DPY19L1: variants seen among roughly 807,000 people sequenced by gnomAD.
DPY19L1 encodes dpy-19 like C-mannosyltransferase 1, also known as protein C-mannosyl-transferase DPY19L1.
A neutral mutation model predicts 96.9 loss-of-function variants in DPY19L1; 35 were observed. The observed-to-expected ratio is 0.36, with a 90% confidence interval of 0.28 to 0.48. The LOEUF (loss-of-function observed/expected upper bound fraction) is 0.48, where lower values mean the gene tolerates loss of function less well. Ranked by LOEUF, DPY19L1 falls within the 20% of genes least tolerant of loss-of-function variation. The probability of loss-of-function intolerance (pLI) is 0.99; values close to 1 mark genes in which losing one functional copy is unlikely to be tolerated. For missense variants in DPY19L1, 521 were observed against 777.9 expected, an observed-to-expected ratio of 0.67 and a Z score of 3.93; for synonymous variants, 205 against 252.6, an observed-to-expected ratio of 0.81 and a Z score of 1.79.
At position 34,942,036 on chromosome 7, in the gene DPY19L1, T is replaced by A. The variant is rs923282381; in HGVS notation, c.1570-152A>T. ...TTCGAAAACAATTCTTAAAATTCACTTTCAAACTGTTCCATTTTAGTGGAA... is the reference window on the plus strand; with the variant it reads ...TTCGAAAACAATTCTTAAAATTCACATTCAAACTGTTCCATTTTAGTGGAA... On this transcript the variant is annotated intron_variant, in intron 17 of 21. Coordinates refer to ENST00000638088, the MANE Select transcript of DPY19L1 (RefSeq NM_001366673.1). 3 of 836,418 alleles carry A rather than the reference T, an allele frequency of 3.6e-6. No homozygotes were observed. In the African/African-American group the frequency reaches 5.3e-5, roughly 15 times the overall value. 51.8% of individuals were successfully genotyped at this position (836,418 alleles called of 1,614,324 possible). A position where few individuals can be genotyped will look rare whatever the true frequency, so the allele number is the denominator to read the frequency against.
intron 10 of DPY19L1, among the ~76,000 whole-genome samples, chr7:34,959,023 G>GA (rs200965696): frequency 1.5e-4 from 22 of 148,676 alleles, no homozygotes; most frequent in African/African-American, 2.7e-4. Context: ...AAATTTACAA[G>GA]AAAAAAAAAA....
chr7:34,956,143 C>G (rs1056680827), intron 11 of DPY19L1, among the ~76,000 whole-genome samples: 3 of 152,102 alleles, frequency 2.0e-5, no homozygotes, highest in African/African-American at 7.2e-5. Flanking sequence ...ACATATAGAA[C>G]TGAAAAGAAA....
intron 1 of DPY19L1, among the ~76,000 whole-genome samples, chr7:35,032,506 T>C (rs1323312393): frequency 1.3e-5 from 2 of 152,174 alleles, no homozygotes; most frequent in Non-Finnish European, 2.9e-5. Context: ...TTCCCCTAAG[T>C]ATGGAAATAG....
At chr7:34,973,205 T>C (rs1226376464) in intron 8 of DPY19L1, among the ~76,000 whole-genome samples, 1 of 152,186 alleles carries the variant, frequency 6.6e-6, no homozygotes, top group Non-Finnish European at 1.5e-5. Flanking sequence ...ACCTTCTTTC[T>C]GCTCATTTTC....
chr7:34,967,363 T>C (rs1022991016), intron 9 of DPY19L1, among the ~76,000 whole-genome samples: 4 of 152,176 alleles, frequency 2.6e-5, no homozygotes, highest in African/African-American at 7.2e-5. Flanking sequence ...TGAAAAATAA[T>C]TATGCAATGC....
chr7:34,969,595 C>T, intron 8 of DPY19L1, 63 bp from the exon 9 acceptor site: 1 of 757,798 alleles, frequency 1.3e-6, no homozygotes, highest in South Asian at 3.2e-5. Context: ...TGGCTCCAAA[C>T]TGCTGCAAAT....
At chr7:35,018,638 C>T (rs757063945) in intron 1 of DPY19L1, 42 bp from the exon 2 acceptor site, 1 of 1,555,152 alleles carries the variant, frequency 6.4e-7, no homozygotes, top group Non-Finnish European at 8.8e-7. Flanking sequence ...TTAGCATAAA[C>T]ATGTTCATCT....
chr7:35,009,062 T>C (rs1435890273), intron 6 of DPY19L1, among the ~76,000 whole-genome samples: 2 of 152,252 alleles, frequency 1.3e-5, no homozygotes, highest in Non-Finnish European at 2.9e-5. Context: ...AGAATTTTCT[T>C]AGACCTAAGT....
At chr7:34,952,257 A>G (rs1784284375) in intron 13 of DPY19L1, among the ~76,000 whole-genome samples, 1 of 152,082 alleles carries the variant, frequency 6.6e-6, no homozygotes, top group African/African-American at 2.4e-5. Flanking sequence ...TTCCAATAAG[A>G]ATTTTAACTG....
rs562959259 is a variant in DPY19L1 at position 34,990,651 on chromosome 7, AT to A, written c.765-711del. Among the ~76,000 whole-genome samples the A allele has an allele frequency of 4.5e-4, 68 of 152,328 alleles. 1 individual carries two copies. The highest frequency in any genetic ancestry group is 1.6e-3 in the African/African-American group (67 of 41,582). ...CTGGTAGTTCTAACAATTAACCTTC[AT>A]TTGCTCAGATGAGAGTGAAATATGT... is the stretch of plus-strand genomic sequence containing the variant. On this transcript the variant is annotated intron_variant, in intron 6 of 21. Transcript: ENST00000638088.
intron 13 of DPY19L1, 135 bp downstream of exon 13, chr7:34,954,558 CTATTA>C (rs1379334671): frequency 2.0e-6 from 1 of 507,670 alleles, no homozygotes; most frequent in Non-Finnish European, 3.5e-6. Context: ...CATTTACTTT[CTATTA>C]TATTAAATAA....
chr7:34,930,679 A>T lies in DPY19L1; in HGVS notation c.*894T>A, dbSNP rs1445784249. ...AGATGCACTATATTTGGGGTTGTTC[A>T]AAATAGTTTTTCTTAAAACTATAAT... On this transcript the variant is annotated 3_prime_UTR_variant, in exon 22 of 22. Coordinates refer to ENST00000638088, the MANE Select transcript of DPY19L1 (RefSeq NM_001366673.1). 6.6e-6 allele frequency: 1 copy of T among 152,194 alleles called. No individual in the cohort carries two copies. The highest frequency in any genetic ancestry group is 1.9e-4 in the East Asian group (1 of 5,204). The allele number at this position is 152,194 out of a possible 1,614,324, so 9.4% of individuals were successfully genotyped here. A position where few individuals can be genotyped will look rare whatever the true frequency, so the allele number is the denominator to read the frequency against.
At chr7:34,993,040 C>T (rs1785207277) in intron 6 of DPY19L1, among the ~76,000 whole-genome samples, 1 of 152,328 alleles carries the variant, frequency 6.6e-6, no homozygotes, top group East Asian at 1.9e-4. Context: ...TGAATAAACG[C>T]TATTTAGATT....
At chr7:34,945,452 C>T (rs546096754) in intron 16 of DPY19L1, among the ~76,000 whole-genome samples, 1 of 152,018 alleles carries the variant, frequency 6.6e-6, no homozygotes, top group East Asian at 1.9e-4. Flanking sequence ...TACTGTCAGA[C>T]TGTACTGGAT....
chr7:34,971,024 T>C (rs1015721383), intron 8 of DPY19L1, among the ~76,000 whole-genome samples: 6 of 152,176 alleles, frequency 3.9e-5, no homozygotes, highest in African/African-American at 1.4e-4. Context: ...ATAGTCTCTT[T>C]TCTGGTTTTG....
chr7:34,947,116 C>T (rs927311131), intron 15 of DPY19L1, among the ~76,000 whole-genome samples: 2 of 152,152 alleles, frequency 1.3e-5, no homozygotes, highest in African/African-American at 4.8e-5. Flanking sequence ...ATCACACTTG[C>T]TTTGATCTTA....
At chr7:34,933,538 C>T (rs1194652339) in intron 21 of DPY19L1, among the ~76,000 whole-genome samples, 2 of 152,070 alleles carry the variant, frequency 1.3e-5, no homozygotes, top group Admixed American at 6.5e-5. Flanking sequence ...GAGGGTGTTG[C>T]CAAGGGAGAT....
At chr7:34,952,543 T>C (rs1435173406) in intron 13 of DPY19L1, among the ~76,000 whole-genome samples, 1 of 152,110 alleles carries the variant, frequency 6.6e-6, no homozygotes, top group East Asian at 1.9e-4. Flanking sequence ...TTTTAGGAGA[T>C]GACATTACCC....
chr7:34,973,081 G>A (rs1784757248), intron 8 of DPY19L1, among the ~76,000 whole-genome samples: 1 of 152,112 alleles, frequency 6.6e-6, no homozygotes, highest in Non-Finnish European at 1.5e-5. Context: ...CTGGAGCAAG[G>A]CAGCTATATT....
Sources: allele counts gnomAD v4.1 joint callset (sites outside exome capture counted in the v4.1 genomes callset), GRCh38; gene constraint gnomAD v4.1.1; transcripts MANE v1.5; gene names NCBI Gene and HGNC (gene_info 2026-07-23, HGNC 2026-07-21).